The following AFDN variants were observed in gnomAD, a reference collection of about 807,000 sequenced individuals.
The protein encoded by AFDN is afadin.
AFDN carries 68 observed loss-of-function variants against 216.6 expected under a neutral mutation model. That is an observed-to-expected ratio of 0.31 (90% CI 0.26 to 0.38). The LOEUF (loss-of-function observed/expected upper bound fraction) is 0.38. Among genes scored for constraint, AFDN ranks in the 10% least tolerant of loss-of-function variants. The probability of loss-of-function intolerance (pLI) is 1.00; values close to 1 mark genes in which losing one functional copy is unlikely to be tolerated. For synonymous variants in AFDN, 868 were observed against 853.7 expected, an observed-to-expected ratio of 1.02 and a Z score of -0.29; for missense variants, 2,136 against 2,342.0, an observed-to-expected ratio of 0.91 and a Z score of 1.82.
chr6:167,855,162 TTTAC>T (rs1458903385), intron 1 of AFDN, among the ~76,000 whole-genome samples: 2 of 152,080 alleles, frequency 1.3e-5, no homozygotes, highest in Non-Finnish European at 2.9e-5. Context: ...GGTATTCTAG[TTTAC>T]TTAAGTATTT....
In AFDN at chr6:167,966,241, C is replaced by G. The variant is rs544062784; in HGVS notation, c.5257+196C>G. The G allele has an allele frequency of 9.0e-5, 137 of 1,529,972 alleles. 1 individual carries two copies. The South Asian group carries it at 1.5e-3, about 17-fold the overall frequency. 94.8% of individuals were successfully genotyped at this position (1,529,972 alleles called of 1,614,324 possible). On this transcript the variant is annotated intron_variant, in intron 32 of 33. Transcript: ENST00000683244. The stretch of plus-strand genomic sequence containing the variant: ...CAGCCCCTGCCCCCTCCAAAAAAAT[C>G]CAGCTCCTACCATCCCAGCCACTGC...
At chr6:167,898,542 G>T in intron 11 of AFDN, 75 bp downstream of exon 11, 5 of 1,395,268 alleles carry the variant, frequency 3.6e-6, no homozygotes, top group East Asian at 2.5e-5. Context: ...TAGATATCTT[G>T]GCTTTTTATT....
intron 16 of AFDN, 157 bp from the exon 17 acceptor site, chr6:167,914,011 C>A: frequency 1.5e-6 from 1 of 674,836 alleles, no homozygotes; most frequent in Non-Finnish European, 2.4e-6. Context: ...TATGTATGCA[C>A]CCAAATTATT....
intron 9 of AFDN, among the ~76,000 whole-genome samples, chr6:167,895,801 A>G (rs796963647): frequency 3.9e-5 from 6 of 152,318 alleles, no homozygotes; most frequent in African/African-American, 1.4e-4. Context: ...AGATTTTAAC[A>G]GGTAATGGAA....
chr6:167,914,754 G>A lies in AFDN; in HGVS notation c.2299+16G>A. The stretch of plus-strand genomic sequence containing the variant: ...CCAAAAATAGGTTAGGATGTTTTCT[G>A]ACTGTCTCCCTCTATCCCGCTTCCT... On this transcript the variant is annotated intron_variant, in intron 18 of 33. Coordinates refer to ENST00000683244, the MANE Select transcript of AFDN (RefSeq NM_001386888.1). 1.3e-6 allele frequency: 2 copies of A among 1,539,312 alleles called. No homozygotes were observed. Among genetic ancestry groups the A allele is most frequent in the South Asian group, 1.1e-5 (1 of 89,434 alleles).
chr6:167,852,739 G>A (rs1038922220), intron 1 of AFDN, among the ~76,000 whole-genome samples: 1 of 152,092 alleles, frequency 6.6e-6, no homozygotes, highest in African/African-American at 2.4e-5. Context: ...TACCTTCAGT[G>A]CTAACATTGA....
At chr6:167,890,818 A>C in intron 7 of AFDN, 44 bp from the exon 8 acceptor site, 2 of 1,594,310 alleles carry the variant, frequency 1.3e-6, no homozygotes, top group East Asian at 4.5e-5. Context: ...GGCCATCCTG[A>C]CCAACCTGAG....
At position 167,962,632 on chromosome 6, in the gene AFDN, G is replaced by T; in HGVS notation, c.4968+65G>T. ...AGCCTGAACGTAATCGATTGGCTGGGGCAGAGCGGGCTGGAAGTTCTGTGT... is the reference window on the plus strand; with the variant it reads ...AGCCTGAACGTAATCGATTGGCTGGTGCAGAGCGGGCTGGAAGTTCTGTGT... On this transcript the variant is annotated intron_variant, in intron 31 of 33. Coordinates refer to ENST00000683244, the MANE Select transcript of AFDN (RefSeq NM_001386888.1). The surrounding 1 kb of genome is among the most constrained non-coding windows in gnomAD (Gnocchi z 5.2). 11 of 1,605,890 alleles carry T rather than the reference G, an allele frequency of 6.8e-6. No homozygotes were observed. The highest frequency in any genetic ancestry group is 1.1e-5 in the South Asian group (1 of 90,790).
At position 167,880,396 on chromosome 6, in the gene AFDN, C is replaced by G. The variant is rs758377307; in HGVS notation, c.776C>G (p.Pro259Arg). ...TLRIYADSLKPNIPYKTILLS... is the reference protein window; with the variant it reads ...TLRIYADSLKRNIPYKTILLS... ...AGAATTTATGCAGATAGTTTAAAAC[C>G]AAATATTCCCTACAAGACAATCCTG... Residue 259 changes from proline to arginine, a missense_variant, in exon 6 of 34, where the codon CCA becomes CGA. By Grantham distance (103) the Pro-to-Arg change is moderately radical (BLOSUM62 -2). Coordinates refer to ENST00000683244, the MANE Select transcript of AFDN (RefSeq NM_001386888.1). 4 of 1,613,264 alleles carry G rather than the reference C, an allele frequency of 2.5e-6. No homozygotes were observed. Among genetic ancestry groups the G allele is most frequent in the Non-Finnish European group, 2.5e-6 (3 of 1,179,594 alleles).
intron 8 of AFDN, among the ~76,000 whole-genome samples, chr6:167,891,408 G>GGTGTGTGTGT (rs71004178): frequency 8.3e-5 from 6 of 72,086 alleles, no homozygotes; most frequent in East Asian, 5.1e-4. Context: ...TAAAGGGGTG[G>GGTGTGTGTGT]GTGTGTGTGT....
At chr6:167,905,868 G>A (rs1440586104) in intron 12 of AFDN, among the ~76,000 whole-genome samples, 1 of 152,178 alleles carries the variant, frequency 6.6e-6, no homozygotes. Flanking sequence ...CACTTTGGGA[G>A]GCCGAGGTGG....
At position 167,913,469 on chromosome 6, in the gene AFDN, A is replaced by G. The variant is rs963702756; in HGVS notation, c.2058+46A>G. ...TGATCCTAGCTGTGTTGCTTAGCCA[A>G]GTTTCTCATGCTGCTCCCATGTCAA... On this transcript the variant is annotated intron_variant, in intron 16 of 33. Transcript: ENST00000683244. 6.6e-6 allele frequency: 10 copies of G among 1,519,940 alleles called. No individual in the cohort carries two copies. In the East Asian group the frequency reaches 7.3e-5, roughly 11 times the overall value. 94.2% of individuals were successfully genotyped at this position (1,519,940 alleles called of 1,614,324 possible).
intron 2 of AFDN, among the ~76,000 whole-genome samples, chr6:167,867,619 G>A (rs934353525): frequency 2.0e-5 from 3 of 151,942 alleles, no homozygotes; most frequent in Admixed American, 1.3e-4. Flanking sequence ...TTTTAGTAGA[G>A]ACAGGGTTTC....
rs1292363120 is a variant in AFDN, at chr6:167,872,354, T to C, written c.555T>C (p.Asp185=). Residue 185 remains aspartate, a synonymous_variant, in exon 4 of 34, where the codon GAT becomes GAC. Transcript: ENST00000683244. ...TGCGACAGGCATCTGATAAAGATGA[T>C]AGACCTTTCCAAGGGGAGGATGTGT... ...EALRQASDKD[D]RPFQGEDVEN... is the part of the protein sequence containing the mutation. 6.2e-7 allele frequency: 1 copy of C among 1,611,502 alleles called. No homozygotes were observed. Among genetic ancestry groups the C allele is most frequent in the Admixed American group, 1.7e-5 (1 of 59,450 alleles).
chr6:167,834,457 G>GGTTTTTTTTTTTT (rs1554275698), intron 1 of AFDN, among the ~76,000 whole-genome samples: 1 of 75,256 alleles, frequency 1.3e-5, no homozygotes. Context: ...TGTTGTTTCG[G>GGTTTTTTTTTTTT]TTTTTTTTTT....
intron 5 of AFDN, among the ~76,000 whole-genome samples, chr6:167,877,644 GT>G (rs750189406): frequency 5.9e-5 from 9 of 152,236 alleles, no homozygotes; most frequent in Admixed American, 4.6e-4. Flanking sequence ...GAAGTCCAAG[GT>G]TTTTATTTGT....
At chr6:167,937,795 T>C (rs888662936) in intron 23 of AFDN, among the ~76,000 whole-genome samples, 2 of 152,238 alleles carry the variant, frequency 1.3e-5, no homozygotes, top group Non-Finnish European at 2.9e-5. Context: ...CTAGTAATTT[T>C]ACAGTTTTAT....
chr6:167,914,416 T>A, intron 17 of AFDN, 103 bp downstream of exon 17: 2 of 1,411,538 alleles, frequency 1.4e-6, no homozygotes, highest in Non-Finnish European at 1.9e-6. Context: ...TTTACCTTGA[T>A]TGAAGGTGAA....
chr6:167,955,230 C>A (rs1047481285), intron 30 of AFDN, among the ~76,000 whole-genome samples: 1 of 152,048 alleles, frequency 6.6e-6, no homozygotes, highest in African/African-American at 2.4e-5. Context: ...TCAGACGGTA[C>A]ATTTAAAACC....
Sources: gnomAD v4.1 joint callset for allele counts (sites outside exome capture counted in the v4.1 genomes callset) on GRCh38, gnomAD v4.1.1 for gene constraint, Gnocchi (gnomAD v3.1) non-coding constraint, MANE v1.5 for transcripts, NCBI Gene and HGNC (gene_info 2026-07-23, HGNC 2026-07-21) for gene names.